Variants in THSD7B observed in about 807,000 individuals in gnomAD.
THSD7B encodes the protein thrombospondin type-1 domain-containing protein 7B.
In THSD7B, 138 loss-of-function variants were observed where a neutral mutation model predicts 213.6. That is an observed-to-expected ratio of 0.65 (90% CI 0.56 to 0.74). The LOEUF (loss-of-function observed/expected upper bound fraction) is 0.74. THSD7B is among the 30% of genes least tolerant of loss of function. The probability of loss-of-function intolerance (pLI) is 0.00; values close to 1 mark genes in which losing one functional copy is unlikely to be tolerated. For missense variants in THSD7B, 1,931 were observed against 1,991.5 expected (o/e 0.97, Z 0.58); for synonymous variants, 742 against 687.0 (o/e 1.08, Z -1.25).
chr2:137,478,487 C>G (rs544788312), intron 15 of THSD7B, among the ~76,000 whole-genome samples: 77 of 152,064 alleles, frequency 5.1e-4, no homozygotes, highest in African/African-American at 1.8e-3. Context: ...TGATTTTCTT[C>G]TATTGTTTAT....
chr2:137,201,959 G>A (rs1680884034), intron 7 of THSD7B, among the ~76,000 whole-genome samples: 1 of 151,924 alleles, frequency 6.6e-6, no homozygotes, highest in South Asian at 2.1e-4. Context: ...TTTTTCTGAT[G>A]GTCTCTATGT....
chr2:137,477,660 A>G (rs111316379), intron 15 of THSD7B, among the ~76,000 whole-genome samples: 3,041 of 150,598 alleles, frequency 0.02, 98 homozygotes, highest in African/African-American at 0.07. Context: ...ATAACATTTG[A>G]GTTCTTTATC....
At chr2:137,623,461 G>A in intron 20 of THSD7B, among the ~76,000 whole-genome samples, 1 of 152,134 alleles carries the variant, frequency 6.6e-6, no homozygotes, top group Non-Finnish European at 1.5e-5. Context: ...TCAACATAGT[G>A]TTGGAAGTTC....
intron 1 of THSD7B, among the ~76,000 whole-genome samples, chr2:136,872,391 G>A (rs979999784): frequency 2.2e-5 from 2 of 91,012 alleles, no homozygotes; most frequent in East Asian, 4.8e-4. Flanking sequence ...TCGGGGGGGT[G>A]GGGGGGACTT....
chr2:137,599,790 T>C (rs1682041713), intron 17 of THSD7B, among the ~76,000 whole-genome samples: 1 of 152,182 alleles, frequency 6.6e-6, no homozygotes, highest in African/African-American at 2.4e-5. Context: ...GCTTTACTTT[T>C]CAATAGAAGC....
chr2:137,206,941 T>C (rs1680996643), intron 7 of THSD7B, among the ~76,000 whole-genome samples: 1 of 152,060 alleles, frequency 6.6e-6, no homozygotes, highest in Non-Finnish European at 1.5e-5. Flanking sequence ...GGAATGTATA[T>C]CTTTGTGGGA....
At chr2:137,324,328 C>T (rs1375463865) in intron 12 of THSD7B, among the ~76,000 whole-genome samples, 1 of 152,124 alleles carries the variant, frequency 6.6e-6, no homozygotes, top group Admixed American at 6.5e-5. Context: ...ACAGAAGATA[C>T]TGTATCTCTT....
In THSD7B at chr2:137,055,960, ACTTTATTAAAAT is replaced by A. The variant is rs537344727; in HGVS notation, c.140-458_140-447del. Among the ~76,000 whole-genome samples, 230 of 152,306 alleles carry A rather than the reference ACTTTATTAAAAT, an allele frequency of 1.5e-3. 1 individual carries two copies. The highest frequency in any genetic ancestry group is 5.4e-3 in the African/African-American group (224 of 41,574). ...AAAGACTGGAAATATGAAAAATTCT[ACTTTATTAAAAT>A]CCTGGCTTTAGGGCTTTTCTTTTGA... On this transcript the variant is annotated intron_variant, in intron 2 of 27. Coordinates refer to ENST00000409968, the MANE Select transcript of THSD7B (RefSeq NM_001316349.2).
intron 1 of THSD7B, among the ~76,000 whole-genome samples, chr2:136,853,664 T>A (rs1327617853): frequency 6.6e-6 from 1 of 152,176 alleles, no homozygotes; most frequent in Non-Finnish European, 1.5e-5. Flanking sequence ...AAACCTTCAT[T>A]TATCAGACTT....
chr2:137,443,808 T>C (rs1285509394), intron 14 of THSD7B, among the ~76,000 whole-genome samples: 1 of 152,096 alleles, frequency 6.6e-6, no homozygotes, highest in East Asian at 1.9e-4. Flanking sequence ...ATTTTCCTGG[T>C]GGATGTAATA....
At chr2:137,078,536 G>T (rs1198449509) in intron 3 of THSD7B, among the ~76,000 whole-genome samples, 1 of 151,636 alleles carries the variant, frequency 6.6e-6, no homozygotes, top group African/African-American at 2.4e-5. Context: ...TTGCCTGTTT[G>T]GTTTAATTTT....
Position 137,201,538 on chromosome 2 carries a change from T to G in THSD7B, c.1724-29506T>G, listed in dbSNP as rs926196246. ...TATTAATTTACATCCCCACCAACAA[T>G]GTATACATATATTAAAACACATTGT... On this transcript the variant is annotated intron_variant, in intron 7 of 27. Coordinates refer to ENST00000409968, the MANE Select transcript of THSD7B (RefSeq NM_001316349.2). Among the ~76,000 whole-genome samples the G allele has an allele frequency of 2.0e-5, 3 of 152,282 alleles. No homozygotes were observed. The South Asian group carries it at 6.2e-4, about 32-fold the overall frequency.
chr2:137,606,243 G>T (rs1473985587), intron 17 of THSD7B, among the ~76,000 whole-genome samples: 2 of 152,136 alleles, frequency 1.3e-5, no homozygotes, highest in Non-Finnish European at 2.9e-5. Context: ...AAAAATGAAA[G>T]AATACATCCT....
intron 12 of THSD7B, among the ~76,000 whole-genome samples, chr2:137,381,058 C>A (rs1343818110): frequency 6.6e-6 from 1 of 152,234 alleles, no homozygotes; most frequent in Non-Finnish European, 1.5e-5. Flanking sequence ...CACCCTTTGA[C>A]TCCCCTCAGA....
At chr2:136,910,828 G>T (rs989876111) in intron 2 of THSD7B, among the ~76,000 whole-genome samples, 8 of 151,590 alleles carry the variant, frequency 5.3e-5, no homozygotes, top group Non-Finnish European at 1.2e-4. Flanking sequence ...AATGATATAT[G>T]ATTTAATGAT....
At position 136,990,882 on chromosome 2, in the gene THSD7B, A is replaced by T. The variant is rs774225457; in HGVS notation, c.140-65538A>T. 11 of 1,343,284 alleles carry T rather than the reference A, an allele frequency of 8.2e-6. No individual in the cohort carries two copies. In the Admixed American group the frequency reaches 2.3e-4, roughly 27 times the overall value. The allele number at this position is 1,343,284 out of a possible 1,614,324, so 83.2% of individuals were successfully genotyped here. On this transcript the variant is annotated intron_variant, in intron 2 of 27. Coordinates refer to ENST00000409968, the MANE Select transcript of THSD7B (RefSeq NM_001316349.2). ...TCCCTTTAAGAAGTAAAATATTCAG[A>T]GGCGAAACGATGCATAACACAGCAG...
At chr2:137,445,465 A>T (rs1687517681) in intron 14 of THSD7B, among the ~76,000 whole-genome samples, 1 of 151,990 alleles carries the variant, frequency 6.6e-6, no homozygotes, top group Non-Finnish European at 1.5e-5. Flanking sequence ...AGCAATATGG[A>T]TGGAAATAGA....
intron 7 of THSD7B, among the ~76,000 whole-genome samples, chr2:137,226,898 C>T (rs938783499): frequency 6.6e-6 from 1 of 152,152 alleles, no homozygotes; most frequent in Non-Finnish European, 1.5e-5. Context: ...GAATATTGTT[C>T]ATTCATAAAA....
chr2:137,154,150 C>A (rs975715370), intron 5 of THSD7B, among the ~76,000 whole-genome samples: 2 of 152,054 alleles, frequency 1.3e-5, no homozygotes, highest in Non-Finnish European at 2.9e-5. Context: ...AGGTAGAAAG[C>A]AGACAAAACA....
Sources: allele counts gnomAD v4.1 joint callset (sites outside exome capture counted in the v4.1 genomes callset), GRCh38; gene constraint gnomAD v4.1.1; transcripts MANE v1.5; gene names NCBI Gene and HGNC (gene_info 2026-07-23, HGNC 2026-07-21).